The following SERPINA5 variants were observed in gnomAD, a reference collection of about 807,000 sequenced individuals.
The protein encoded by SERPINA5 is plasma serine protease inhibitor.
Under a neutral mutation model 25.3 loss-of-function variants are expected in SERPINA5, and 25 were observed. The ratio of observed to expected loss-of-function variants is 0.99; its 90% CI spans 0.72 to 1.38. SERPINA5 has a LOEUF of 1.38. Among genes scored for constraint, SERPINA5 ranks in the 40% most tolerant of loss-of-function variants. The pLI, the probability that SERPINA5 is intolerant of heterozygous loss-of-function variation, is 0.00. For synonymous variants in SERPINA5, 234 were observed against 206.2 expected (o/e 1.14, Z -1.16); for missense variants, 599 against 509.5 (o/e 1.18, Z -1.69).
chr14:94,590,432 G>A (rs1323595832), intron 4 of SERPINA5, 121 bp downstream of exon 4: 3 of 1,251,632 alleles, frequency 2.4e-6, no homozygotes, highest in Non-Finnish European at 3.2e-6. Flanking sequence ...GCTGCCTCCA[G>A]GCCCAGAGGC....
intron 3 of SERPINA5, among the ~76,000 whole-genome samples, chr14:94,589,783 G>A (rs1387494132): frequency 1.3e-5 from 2 of 152,132 alleles, no homozygotes; most frequent in Non-Finnish European, 2.9e-5. Flanking sequence ...GGGGTCCAGG[G>A]CCTCTGAAGA....
At position 94,590,324 on chromosome 14, in the gene SERPINA5, T is replaced by A; in HGVS notation, c.890+13T>A. Reference sequence around the variant, plus strand: ...TGTTCAAAAAGAGGTACTTTCAGACTACCCCAGGGCCAGCCTAAACCCACA... The same window carrying A: ...TGTTCAAAAAGAGGTACTTTCAGACAACCCCAGGGCCAGCCTAAACCCACA... On this transcript the variant is annotated intron_variant, in intron 4 of 5. Coordinates refer to ENST00000329597, the MANE Select transcript of SERPINA5 (RefSeq NM_000624.6). 5 of 1,577,152 alleles carry A rather than the reference T, an allele frequency of 3.2e-6. No individual in the cohort carries two copies. The highest frequency in any genetic ancestry group is 4.3e-6 in the Non-Finnish European group (5 of 1,158,790).
In SERPINA5 at chr14:94,584,827, A is replaced by G. The variant is rs773073455; in HGVS notation, c.-17-2519A>G. Among the ~76,000 whole-genome samples the G allele has an allele frequency of 4.6e-5, 7 of 152,242 alleles. No homozygotes were observed. The Middle Eastern group carries it at 0.01, about 222-fold the overall frequency. On this transcript the variant is annotated intron_variant, in intron 2 of 5. Coordinates refer to ENST00000329597, the MANE Select transcript of SERPINA5 (RefSeq NM_000624.6). ...TGTTTCTTTAGAAGCATCTCCATAC[A>G]TGGCTGGTTCCAACCCTTGGCAGGA...
rs1406964676 is a variant in SERPINA5, at chr14:94,587,612, G to T, written c.250G>T (p.Gly84Trp). 6.2e-7 allele frequency: 1 copy of T among 1,614,090 alleles called. No homozygotes were observed. Among genetic ancestry groups the T allele is most frequent in the Non-Finnish European group, 8.5e-7 (1 of 1,179,970 alleles). Residue 84 changes from glycine (G) to tryptophan (W), a missense_variant, in exon 3 of 6, where the codon GGG becomes TGG. Gly to Trp is a radical substitution (Grantham distance 184). Transcript: ENST00000329597. ...MSLAMLSLGAGSSTKMQILEG... is the reference protein window; with the variant it reads ...MSLAMLSLGAWSSTKMQILEG... ...CCTGGCCATGCTCTCCCTGGGGGCT[G>T]GGTCCAGCACAAAGATGCAGATCCT...
intron 5 of SERPINA5, 49 bp downstream of exon 5, chr14:94,590,945 C>G (rs1178452427): frequency 6.5e-7 from 1 of 1,534,236 alleles, no homozygotes; most frequent in East Asian, 2.3e-5. Context: ...CTATTCTGTT[C>G]TATTCTTTCT....
chr14:94,590,227 T>C lies in SERPINA5; in HGVS notation c.806T>C (p.Leu269Pro). ...YQGNATALFI[L>P]PSEGKMQQVE... ...GGCAATGCCACGGCTTTGTTCATTCTCCCCAGTGAGGGAAAGATGCAGCAG... is the reference window on the plus strand; with the variant it reads ...GGCAATGCCACGGCTTTGTTCATTCCCCCCAGTGAGGGAAAGATGCAGCAG... The change falls in exon 4 of 6, where the codon CTC becomes CCC. Residue 269 changes from leucine to proline, a missense_variant. Physicochemically the swap from Leu to Pro is moderately conservative, Grantham distance 98. Coordinates refer to ENST00000329597, the MANE Select transcript of SERPINA5 (RefSeq NM_000624.6). The C allele has an allele frequency of 6.2e-7, 1 of 1,613,866 alleles. No homozygotes were observed. The highest frequency in any genetic ancestry group is 2.2e-5 in the East Asian group (1 of 44,868).
At chr14:94,591,544 G>GTTCTATTCTATTCTATTCTATTCTA (rs1449794789) in intron 5 of SERPINA5, among the ~76,000 whole-genome samples, 2 of 35,670 alleles carry the variant, frequency 5.6e-5, no homozygotes, top group African/African-American at 2.1e-4. Flanking sequence ...CCTTTATTCT[G>GTTCTATTCTATTCTATTCTATTCTA]TTCTGTTCTA....
In SERPINA5 at chr14:94,590,751, A is replaced by T; in HGVS notation, c.893A>T (p.Gln298Leu). The T allele has an allele frequency of 6.2e-7, 1 of 1,613,674 alleles. No individual in the cohort carries two copies. The change falls in exon 5 of 6, where the codon CAG becomes CTG. Residue 298 changes from glutamine to leucine, a missense_variant and splice_region_variant. Transcript: ENST00000329597. ...RKWLKMFKKR[Q>L]LELYLPKFSI... ...GAAAGCTCCTTTTCCCTTTCCAGGC[A>T]GCTCGAGCTTTACCTTCCCAAATTC...
rs1438271563 is a variant in SERPINA5, at chr14:94,587,678, G to T, written c.316G>T (p.Glu106Ter). The change falls in exon 3 of 6, where the codon GAG (glutamate) becomes TAG (stop). Residue 106 changes from glutamate (E) to a stop codon, truncating the protein, a stop_gained. Transcript: ENST00000329597. LOFTEE classifies it high-confidence loss of function. ...CAACCTCCAGAAAAGCTCAGAGAAGGAGCTGCACAGAGGCTTTCAGCAGCT... is the reference window on the plus strand; with the variant it reads ...CAACCTCCAGAAAAGCTCAGAGAAGTAGCTGCACAGAGGCTTTCAGCAGCT... ...GLNLQKSSEK[E>*]LHRGFQQLLQ... The T allele has an allele frequency of 6.2e-7, 1 of 1,614,128 alleles. No individual in the cohort carries two copies. The highest frequency in any genetic ancestry group is 8.5e-7 in the Non-Finnish European group (1 of 1,179,990).
Position 94,592,212 on chromosome 14 carries a change from C to A in SERPINA5, c.1194C>A (p.Leu398=). The change falls in exon 6 of 6, where the codon CTC becomes CTA. Residue 398 remains leucine (L), a synonymous_variant. Coordinates refer to ENST00000329597, the MANE Select transcript of SERPINA5 (RefSeq NM_000624.6). ...FLMFIVDNNI[L]FLGKVNRP The stretch of plus-strand genomic sequence containing the variant: ...TGTTCATTGTGGATAACAACATCCT[C>A]TTCCTTGGCAAAGTGAACCGCCCCT... 1 of 1,613,866 alleles carries A rather than the reference C, an allele frequency of 6.2e-7. No individual in the cohort carries two copies. Among genetic ancestry groups the A allele is most frequent in the Non-Finnish European group, 8.5e-7 (1 of 1,179,818 alleles).
In SERPINA5 at chr14:94,587,948, G is replaced by A. The variant is rs1055786032; in HGVS notation, c.586G>A (p.Val196Ile). 1.2e-6 allele frequency: 2 copies of A among 1,614,188 alleles called. No individual in the cohort carries two copies. The highest frequency in any genetic ancestry group is 1.1e-5 in the South Asian group (1 of 91,086). Residue 196 changes from valine to isoleucine, a missense_variant, in exon 3 of 6, where the codon GTC (valine) becomes ATC (isoleucine). Coordinates refer to ENST00000329597, the MANE Select transcript of SERPINA5 (RefSeq NM_000624.6). ...DLLKNLDSNA[V>I]VIMVNYIFFK... ...GCTTAAGAACCTCGATAGCAATGCG[G>A]TCGTGATCATGGTGAATTACATCTT...
Position 94,591,713 on chromosome 14 carries a change from A to C in SERPINA5, c.1039-344A>C, listed in dbSNP as rs148766268. 5.8e-4 allele frequency among the ~76,000 whole-genome samples: 89 copies of C among 152,210 alleles called. 1 individual carries two copies. The highest frequency in any genetic ancestry group is 2.1e-3 in the African/African-American group (89 of 41,528). On this transcript the variant is annotated intron_variant, in intron 5 of 5. Coordinates refer to ENST00000329597, the MANE Select transcript of SERPINA5 (RefSeq NM_000624.6). ...ATATCCACCACTGTTCCTTGAGTTA[A>C]GGAGTCCTGTTTTAAACAATCAAAA...
chr14:94,583,660 G>A (rs1380679247), intron 2 of SERPINA5, among the ~76,000 whole-genome samples: 1 of 152,212 alleles, frequency 6.6e-6, no homozygotes, highest in Non-Finnish European at 1.5e-5. Context: ...CGGGGATGGT[G>A]GTGGGCCAGC....
At chr14:94,583,618 C>G (rs1884984214) in intron 2 of SERPINA5, among the ~76,000 whole-genome samples, 1 of 152,224 alleles carries the variant, frequency 6.6e-6, no homozygotes, top group East Asian at 1.9e-4. Context: ...CACTGCCCAA[C>G]ACGGGAAATA....
Position 94,592,054 on chromosome 14 carries a change from CAG to C in SERPINA5, c.1039-1_1039del. On this transcript the variant is annotated splice_acceptor_variant, in intron 5 of 5. Coordinates refer to ENST00000329597, the MANE Select transcript of SERPINA5 (RefSeq NM_000624.6). LOFTEE classifies it high-confidence loss of function. ...CTGGTGATGCCTGGTGTCTCCCCTG[CAG>C]ATGGTGCACAAAGCTGTGGTGGAGG... 1 of 1,610,910 alleles carries C rather than the reference CAG, an allele frequency of 6.2e-7. No individual in the cohort carries two copies. The highest frequency in any genetic ancestry group is 8.5e-7 in the Non-Finnish European group (1 of 1,178,368).
At chr14:94,588,453 C>T (rs1490800845) in intron 3 of SERPINA5, among the ~76,000 whole-genome samples, 1 of 152,150 alleles carries the variant, frequency 6.6e-6, no homozygotes, top group African/African-American at 2.4e-5. Flanking sequence ...TCTGAAATGC[C>T]TCCTCCTGAC....
rs753863654 is a variant in SERPINA5, at chr14:94,587,683, G to T, written c.321G>T (p.Leu107=). 6.2e-7 allele frequency: 1 copy of T among 1,614,138 alleles called. No individual in the cohort carries two copies. The highest frequency in any genetic ancestry group is 8.5e-7 in the Non-Finnish European group (1 of 1,179,992). The change falls in exon 3 of 6, where the codon CTG becomes CTT. Residue 107 remains leucine, a synonymous_variant. Transcript: ENST00000329597. ...LNLQKSSEKE[L]HRGFQQLLQE... Reference sequence around the variant, plus strand: ...TCCAGAAAAGCTCAGAGAAGGAGCTGCACAGAGGCTTTCAGCAGCTCCTTC... The same window carrying T: ...TCCAGAAAAGCTCAGAGAAGGAGCTTCACAGAGGCTTTCAGCAGCTCCTTC...
chr14:94,590,258 G>A lies in SERPINA5; in HGVS notation c.837G>A (p.Glu279=), dbSNP rs150243827. 2.7e-5 allele frequency: 43 copies of A among 1,612,486 alleles called. No individual in the cohort carries two copies. In the African/African-American group the frequency reaches 5.3e-4, roughly 20 times the overall value. ...LPSEGKMQQV[E]NGLSEKTLRK... ...GTGAGGGAAAGATGCAGCAGGTGGA[G>A]AATGGACTGAGTGAGAAAACGCTGA... The change falls in exon 4 of 6, where the codon GAG becomes GAA. Residue 279 remains glutamate (E), a synonymous_variant. Transcript: ENST00000329597.
chr14:94,591,919 G>T (rs1162169670), intron 5 of SERPINA5, 138 bp from the exon 6 acceptor site: 2 of 943,806 alleles, frequency 2.1e-6, no homozygotes, highest in African/African-American at 1.6e-5. Flanking sequence ...CTGCTCCATT[G>T]TTCCATTTCC....
Sources: allele counts gnomAD v4.1 joint callset (sites outside exome capture counted in the v4.1 genomes callset), GRCh38; gene constraint gnomAD v4.1.1; transcripts MANE v1.5; gene names NCBI Gene and HGNC (gene_info 2026-07-23, HGNC 2026-07-21).